Variants in ATP11C observed in about 807,000 individuals in gnomAD.
The protein encoded by ATP11C is phospholipid-transporting ATPase IG.
A neutral mutation model predicts 97.4 loss-of-function variants in ATP11C; 36 were observed. The observed-to-expected ratio is 0.37, with a 90% CI of 0.28 to 0.49. ATP11C has a LOEUF of 0.49. Among genes scored for constraint, ATP11C ranks in the 20% least tolerant of loss-of-function variants. The pLI is 0.98. For missense variants in ATP11C, 730 were observed against 824.6 expected, an observed-to-expected ratio of 0.89 and a Z score of 1.40; for synonymous variants, 275 against 290.9, an observed-to-expected ratio of 0.95 and a Z score of 0.56.
At chrX:139,852,479 G>T (rs1416475724) in intron 1 of ATP11C, among the ~76,000 whole-genome samples, 1 of 29,123 alleles carries the variant, frequency 3.4e-5, no homozygotes, top group Non-Finnish European at 7.2e-5. Context: ...GGGGGGGGGG[G>T]GGAACTGGCC....
At chrX:139,748,843 T>C (rs2081748091) in intron 24 of ATP11C, among the ~76,000 whole-genome samples, 1 of 111,731 alleles carries the variant, frequency 9.0e-6, no homozygotes, top group South Asian at 3.7e-4. Flanking sequence ...TATAAACCAA[T>C]TGCAATGTGT....
At chrX:139,787,100 T>G (rs1396517004) in intron 15 of ATP11C, 73 bp downstream of exon 15, 1 of 1,186,545 alleles carries the variant, frequency 8.4e-7, no homozygotes, top group African/African-American at 1.8e-5. Flanking sequence ...TTTCCTTTGC[T>G]GCCCTGCCTG....
chrX:139,727,222 A>G lies in ATP11C; in HGVS notation c.*1744T>C, dbSNP rs188122010. Reference sequence around the variant, plus strand: ...GTAAAACAGCAATCATAATACAGCAACAACAACCATAAGAACAAGAAAACA... The same window carrying G: ...GTAAAACAGCAATCATAATACAGCAGCAACAACCATAAGAACAAGAAAACA... On this transcript the variant is annotated 3_prime_UTR_variant, in exon 30 of 30. Transcript: ENST00000682941. The G allele has an allele frequency of 8.9e-6, 1 of 112,421 alleles. No individual in the cohort carries two copies. The highest frequency in any genetic ancestry group is 2.8e-4 in the East Asian group (1 of 3,581). The allele number at this position is 112,421 out of a possible 1,213,427, so 9.3% of individuals were successfully genotyped here. A position where few individuals can be genotyped will look rare whatever the true frequency, so the allele number is the denominator to read the frequency against.
chrX:139,749,287 TA>T (rs968000422), intron 24 of ATP11C, among the ~76,000 whole-genome samples: 2 of 112,023 alleles, frequency 1.8e-5, no homozygotes, highest in Non-Finnish European at 3.8e-5. Flanking sequence ...TCATGCTGGT[TA>T]AAAAAAATCC....
chrX:139,788,438 G>T, intron 13 of ATP11C, 95 bp from the exon 14 acceptor site: 2 of 814,850 alleles, frequency 2.5e-6, no homozygotes, highest in Non-Finnish European at 3.6e-6. Flanking sequence ...GTGAGAGAAT[G>T]TTGTAACTTC....
intron 2 of ATP11C, among the ~76,000 whole-genome samples, chrX:139,822,076 C>A (rs2147864354): frequency 9.3e-6 from 1 of 107,151 alleles, no homozygotes; most frequent in Non-Finnish European, 2.0e-5. Context: ...TCAAGCATGA[C>A]CTCTATGGCA....
intron 5 of ATP11C, among the ~76,000 whole-genome samples, chrX:139,805,206 T>C (rs1434070352): frequency 8.9e-6 from 1 of 111,740 alleles, no homozygotes; most frequent in Non-Finnish European, 1.9e-5. Context: ...AACAATTTCT[T>C]ATCAGCAAGT....
chrX:139,846,455 G>T (rs1435348655), intron 1 of ATP11C, among the ~76,000 whole-genome samples: 1 of 111,729 alleles, frequency 9.0e-6, no homozygotes, highest in Non-Finnish European at 1.9e-5. Flanking sequence ...ATTGTCCATA[G>T]CATTAAGTAT....
At chrX:139,805,748 T>C (rs1489031710) in intron 5 of ATP11C, among the ~76,000 whole-genome samples, 3 of 112,108 alleles carry the variant, frequency 2.7e-5, no homozygotes, top group Non-Finnish European at 3.8e-5. Context: ...AAATGCTAGG[T>C]AATACATGCA....
chrX:139,796,309 C>T lies in ATP11C; in HGVS notation c.1170G>A (p.Leu390=). The T allele has an allele frequency of 8.3e-7, 1 of 1,206,878 alleles. No homozygotes were observed. The highest frequency in any genetic ancestry group is 1.1e-6 in the Non-Finnish European group (1 of 893,042). ...FYDEEINEGA[L]VNTSDLNEEL... ...CTTCATTAAGGTCTGATGTGTTAAC[C>T]AGGGCTCCTTCATTAATTTCTTCAT... The change falls in exon 12 of 30, where the codon CTG becomes CTA. Residue 390 remains leucine, a synonymous_variant. Coordinates refer to ENST00000682941, the MANE Select transcript of ATP11C (RefSeq NM_001353812.2).
intron 3 of ATP11C, among the ~76,000 whole-genome samples, chrX:139,817,195 A>G (rs2083304336): frequency 8.9e-6 from 1 of 111,981 alleles, no homozygotes; most frequent in African/African-American, 3.2e-5. Context: ...TTCACTTACC[A>G]CCTATTTGCT....
At chrX:139,920,820 A>C (rs974960425) in intron 1 of ATP11C, among the ~76,000 whole-genome samples, 46 of 111,888 alleles carry the variant, frequency 4.1e-4, no homozygotes, top group African/African-American at 1.5e-3. Context: ...AGCTGTGTGG[A>C]AGACAGATAG....
intron 14 of ATP11C, among the ~76,000 whole-genome samples, chrX:139,787,909 C>T (rs2082608900): frequency 8.9e-6 from 1 of 112,154 alleles, no homozygotes; most frequent in Non-Finnish European, 1.9e-5. Flanking sequence ...AAAAAGTGGC[C>T]ACTGTTATGT....
At chrX:139,880,184 C>G (rs2084539721) in intron 1 of ATP11C, among the ~76,000 whole-genome samples, 1 of 111,053 alleles carries the variant, frequency 9.0e-6, no homozygotes, top group African/African-American at 3.3e-5. Flanking sequence ...GAGGGCCAGG[C>G]CCAGAGCAAG....
In ATP11C at chrX:139,796,927, TC is replaced by T. The variant is rs1569459688; in HGVS notation, c.1008+248del. Reference sequence around the variant, plus strand: ...ATGCCTAAAGTAAAAGAAAAAAAACTCTTTTTTTCTTTTCTTTTTCTTTCTT... The same window carrying T: ...ATGCCTAAAGTAAAAGAAAAAAAACTTTTTTTTCTTTTCTTTTTCTTTCTT... On this transcript the variant is annotated intron_variant, in intron 11 of 29. Transcript: ENST00000682941. 4.6e-5 allele frequency among the ~76,000 whole-genome samples: 5 copies of T among 109,267 alleles called. No individual in the cohort carries two copies. The East Asian group carries it at 1.4e-3, about 30-fold the overall frequency. The allele number at this position is 109,267 out of a possible 115,157, so 94.9% of individuals were successfully genotyped here.
chrX:139,763,217 G>T, intron 21 of ATP11C, 99 bp downstream of exon 21: 1 of 618,532 alleles, frequency 1.6e-6, no homozygotes, highest in Non-Finnish European at 2.5e-6. Flanking sequence ...TCAAATTCAA[G>T]ATGAGTAACC....
At chrX:139,737,194 A>G (rs1475521201) in intron 28 of ATP11C, among the ~76,000 whole-genome samples, 1 of 111,509 alleles carries the variant, frequency 9.0e-6, no homozygotes, top group Non-Finnish European at 1.9e-5. Context: ...AAAATCTGCC[A>G]AAAGTTTTAT....
chrX:139,906,131 G>A (rs1445193980), intron 1 of ATP11C, among the ~76,000 whole-genome samples: 1 of 111,049 alleles, frequency 9.0e-6, no homozygotes, highest in Non-Finnish European at 1.9e-5. Flanking sequence ...GCTGGGCATA[G>A]TGGCTCATGC....
At chrX:139,783,533 TTCA>T (rs2082508068) in intron 16 of ATP11C, among the ~76,000 whole-genome samples, 1 of 111,679 alleles carries the variant, frequency 9.0e-6, no homozygotes, top group Admixed American at 9.5e-5. Flanking sequence ...CTCCCACCAA[TTCA>T]TGGAGGGCTG....
Sources: gnomAD v4.1 joint callset for allele counts (sites outside exome capture counted in the v4.1 genomes callset) on GRCh38, gnomAD v4.1.1 for gene constraint, MANE v1.5 for transcripts, NCBI Gene and HGNC (gene_info 2026-07-23, HGNC 2026-07-21) for gene names.